The following LHX5 variants were observed in gnomAD, a reference collection of about 807,000 sequenced individuals.
LHX5 encodes LIM/homeobox protein Lhx5.
Under a neutral mutation model 30.6 loss-of-function variants are expected in LHX5, and 5 were observed. That is an observed-to-expected ratio of 0.16 (90% CI 0.09 to 0.34). The LOEUF (loss-of-function observed/expected upper bound fraction) is 0.34, where lower values mean the gene tolerates loss of function less well. LHX5 is among the 10% of genes least tolerant of loss of function. LHX5 has a pLI of 1.00. For missense variants in LHX5, 458 were observed against 570.6 expected (o/e 0.80, Z 2.01); for synonymous variants, 266 against 252.6 (o/e 1.05, Z -0.50).
In LHX5 at chr12:113,464,018, G is replaced by C. The variant is rs1462864250; in HGVS notation, c.842-461C>G. ...GACAGACGGAGAGATCGGCAGAGGG[G>C]CAGAGAGAAAGGCGGAAAAGAGACC... On this transcript the variant is annotated intron_variant, in intron 4 of 4. Coordinates refer to ENST00000261731, the MANE Select transcript of LHX5 (RefSeq NM_022363.3). The surrounding 1 kb of genome is among the most constrained non-coding windows in gnomAD (Gnocchi z 6.2). Among the ~76,000 whole-genome samples the C allele has an allele frequency of 3.3e-5, 5 of 152,188 alleles. No individual in the cohort carries two copies. The highest frequency in any genetic ancestry group is 1.2e-4 in the African/African-American group (5 of 41,442).
intron 1 of LHX5, among the ~76,000 whole-genome samples, chr12:113,470,706 G>A (rs1343005817): frequency 6.6e-6 from 1 of 152,252 alleles, no homozygotes; most frequent in African/African-American, 2.4e-5. Flanking sequence ...AGGGGTAGGG[G>A]GGCTGGGGAG....
intron 2 of LHX5, 150 bp from the exon 3 acceptor site, chr12:113,468,554 C>T (rs1001780092): frequency 1.9e-6 from 2 of 1,031,756 alleles, no homozygotes; most frequent in Admixed American, 2.9e-5. Context: ...TGCGACAGCC[C>T]CTCCCCCAGG....
At position 113,469,350 on chromosome 12, in the gene LHX5, G is replaced by A; in HGVS notation, c.174-5C>T. 6.2e-7 allele frequency: 1 copy of A among 1,610,242 alleles called. No homozygotes were observed. The highest frequency in any genetic ancestry group is 8.5e-7 in the Non-Finnish European group (1 of 1,179,364). The stretch of plus-strand genomic sequence containing the variant: ...GCGCATTTCGTGCCAAAGCGCCTGT[G>A]GACACAATGTGCCTGTCACTATGGG... On this transcript the variant is annotated splice_polypyrimidine_tract_variant and splice_region_variant and intron_variant, in intron 1 of 4. Transcript: ENST00000261731.
intron 1 of LHX5, among the ~76,000 whole-genome samples, chr12:113,471,042 G>A (rs1454148143): frequency 6.6e-6 from 1 of 152,222 alleles, no homozygotes; most frequent in Non-Finnish European, 1.5e-5. Context: ...GGGGCGGAGA[G>A]GAGTGGATAG....
rs909786353 is a variant in LHX5, at chr12:113,463,264, T to G, written c.1135A>C (p.Met379Leu). Residue 379 changes from methionine to leucine, a missense_variant, in exon 5 of 5, where the codon ATG becomes CTG. Transcript: ENST00000261731. The surrounding 1 kb of genome is among the most constrained non-coding windows in gnomAD (Gnocchi z 6.7). ...FSGGPSPPFP[M>L]SGTSGYSGPL... ...CCGCTGTAGCCGCTGGTGCCGCTCA[T>G]TGGGAAGGGCGGGCTGGGCCCGCCG... The G allele has an allele frequency of 1.6e-5, 24 of 1,526,270 alleles. No homozygotes were observed. In the Admixed American group the frequency reaches 4.7e-4, roughly 30 times the overall value. 94.5% of individuals were successfully genotyped at this position (1,526,270 alleles called of 1,614,324 possible). A position where few individuals can be genotyped will look rare whatever the true frequency, so the allele number is the denominator to read the frequency against.
In LHX5 at chr12:113,471,772, G is replaced by T; in HGVS notation, c.-274C>A. On this transcript the variant is annotated 5_prime_UTR_variant, in exon 1 of 5. Coordinates refer to ENST00000261731, the MANE Select transcript of LHX5 (RefSeq NM_022363.3). ...GTTCCGGGCTTCCCCAGGTATCTCG[G>T]GTGGCTGCTGGCCTCGGCGCTGCGG... 1 of 445,874 alleles carries T rather than the reference G, an allele frequency of 2.2e-6. No homozygotes were observed. 27.6% of individuals were successfully genotyped at this position (445,874 alleles called of 1,614,324 possible). A position where few individuals can be genotyped will look rare whatever the true frequency, so the allele number is the denominator to read the frequency against.
chr12:113,467,190 G>T lies in LHX5; in HGVS notation c.841+66C>A. 1.5e-6 allele frequency: 2 copies of T among 1,370,522 alleles called. No individual in the cohort carries two copies. Among genetic ancestry groups the T allele is most frequent in the South Asian group, 1.7e-5 (1 of 58,250 alleles). The allele number at this position is 1,370,522 out of a possible 1,614,324, so 84.9% of individuals were successfully genotyped here. The stretch of plus-strand genomic sequence containing the variant: ...GAGCGGCGGAAAGCGTGCTGGCCGG[G>T]ACCCTTCGCCCTCAGCTCCCGGAAT... On this transcript the variant is annotated intron_variant, in intron 4 of 4. Transcript: ENST00000261731. The surrounding 1 kb of genome is among the most constrained non-coding windows in gnomAD (Gnocchi z 6.3).
Position 113,469,156 on chromosome 12 carries a change from G to T in LHX5, c.363C>A (p.Ser121Arg). 6.2e-7 allele frequency: 1 copy of T among 1,614,082 alleles called. No individual in the cohort carries two copies. The highest frequency in any genetic ancestry group is 1.1e-5 in the South Asian group (1 of 91,070). Residue 121 changes from serine (S) to arginine (R), a missense_variant, in exon 2 of 5, where the codon AGC becomes AGA. Coordinates refer to ENST00000261731, the MANE Select transcript of LHX5 (RefSeq NM_022363.3). ...GGCTGCCCTCCTTGAGGCTGGATGA[G>T]CTCAGGTAGTCGTCTTTGCACACGA... ...NKFVCKDDYL[S>R]SSSLKEGSLN...
chr12:113,463,024 CT>C lies in LHX5; in HGVS notation c.*165del. 1.6e-6 allele frequency: 1 copy of C among 623,860 alleles called. No individual in the cohort carries two copies. Among genetic ancestry groups the C allele is most frequent in the South Asian group, 2.2e-5 (1 of 44,590 alleles). The allele number at this position is 623,860 out of a possible 1,614,324, so 38.6% of individuals were successfully genotyped here. A position where few individuals can be genotyped will look rare whatever the true frequency, so the allele number is the denominator to read the frequency against. ...GGGTGGAGATGGGGGTCGGCCCCCC[CT>C]CGGCGCCCAGCCGAGGAGCAGCTGC... On this transcript the variant is annotated 3_prime_UTR_variant, in exon 5 of 5. Coordinates refer to ENST00000261731, the MANE Select transcript of LHX5 (RefSeq NM_022363.3). This position sits in a 1 kb window ranked among gnomAD's most constrained non-coding sequence, Gnocchi z 6.7.
chr12:113,467,677 G>A lies in LHX5; in HGVS notation c.676-256C>T, dbSNP rs550065518. ...GCTTCCTGGTCCCCGGCTCGCCCGCGGCCTGACGGCTCTATAAAGGCCTCC... is the reference window on the plus strand; with the variant it reads ...GCTTCCTGGTCCCCGGCTCGCCCGCAGCCTGACGGCTCTATAAAGGCCTCC... On this transcript the variant is annotated intron_variant, in intron 3 of 4. Coordinates refer to ENST00000261731, the MANE Select transcript of LHX5 (RefSeq NM_022363.3). The surrounding 1 kb of genome is among the most constrained non-coding windows in gnomAD (Gnocchi z 6.3). Among the ~76,000 whole-genome samples the A allele has an allele frequency of 6.6e-6, 1 of 152,206 alleles. No homozygotes were observed. Among genetic ancestry groups the A allele is most frequent in the Admixed American group, 6.5e-5 (1 of 15,286 alleles).
intron 1 of LHX5, among the ~76,000 whole-genome samples, chr12:113,470,086 G>C (rs1187707585): frequency 2.0e-5 from 3 of 152,176 alleles, no homozygotes; most frequent in Non-Finnish European, 4.4e-5. Context: ...GCAAGGCCAG[G>C]ACAGGAATCT....
Position 113,463,144 on chromosome 12 carries a change from G to T in LHX5, c.*46C>A. 6.9e-7 allele frequency: 1 copy of T among 1,442,916 alleles called. No homozygotes were observed. Among genetic ancestry groups the T allele is most frequent in the South Asian group, 1.4e-5 (1 of 72,368 alleles). 89.4% of individuals were successfully genotyped at this position (1,442,916 alleles called of 1,614,324 possible). ...CGTTTTGGTTTCAGGAGGCTGCTTC[G>T]GGGCGGGGCCCCCGGGGGCCGAGCG... On this transcript the variant is annotated 3_prime_UTR_variant, in exon 5 of 5. Coordinates refer to ENST00000261731, the MANE Select transcript of LHX5 (RefSeq NM_022363.3). This position sits in a 1 kb window ranked among gnomAD's most constrained non-coding sequence, Gnocchi z 6.7.
chr12:113,463,024 C>T lies in LHX5; in HGVS notation c.*166G>A. On this transcript the variant is annotated 3_prime_UTR_variant, in exon 5 of 5. Coordinates refer to ENST00000261731, the MANE Select transcript of LHX5 (RefSeq NM_022363.3). The surrounding 1 kb of genome is among the most constrained non-coding windows in gnomAD (Gnocchi z 6.7). Reference sequence around the variant, plus strand: ...GGGTGGAGATGGGGGTCGGCCCCCCCTCGGCGCCCAGCCGAGGAGCAGCTG... The same window carrying T: ...GGGTGGAGATGGGGGTCGGCCCCCCTTCGGCGCCCAGCCGAGGAGCAGCTG... The T allele has an allele frequency of 1.6e-6, 1 of 623,860 alleles. No individual in the cohort carries two copies. Among genetic ancestry groups the T allele is most frequent in the South Asian group, 2.2e-5 (1 of 44,590 alleles). 38.6% of individuals were successfully genotyped at this position (623,860 alleles called of 1,614,324 possible). A position where few individuals can be genotyped will look rare whatever the true frequency, so the allele number is the denominator to read the frequency against.
chr12:113,463,200 G>A lies in LHX5; in HGVS notation c.1199C>T (p.Ala400Val). Reference sequence around the variant, plus strand: ...GGCGGCCCGGCGGCCTTACCACACGGCGGCTTCGTTGAGCTCGGGGTTGGG... The same window carrying A: ...GGCGGCCCGGCGGCCTTACCACACGACGGCTTCGTTGAGCTCGGGGTTGGG... ...SHPNPELNEAAVW is the reference protein window; with the variant it reads ...SHPNPELNEAVVW The change falls in exon 5 of 5, where the codon GCC (alanine) becomes GTC (valine). Residue 400 changes from alanine to valine, a missense_variant. By Grantham distance (64) the Ala-to-Val change is moderately conservative. Around this residue, in one of 3 missense-constraint regions of LHX5, gnomAD observed 255 missense variants for 246.8 expected, o/e 1.03. Transcript: ENST00000261731. The surrounding 1 kb of genome is among the most constrained non-coding windows in gnomAD (Gnocchi z 6.7). The A allele has an allele frequency of 6.6e-7, 1 of 1,517,204 alleles. No individual in the cohort carries two copies. The highest frequency in any genetic ancestry group is 8.8e-7 in the Non-Finnish European group (1 of 1,138,940). The allele number at this position is 1,517,204 out of a possible 1,614,324, so 94.0% of individuals were successfully genotyped here. A position where few individuals can be genotyped will look rare whatever the true frequency, so the allele number is the denominator to read the frequency against.
chr12:113,470,841 T>C (rs1274118639), intron 1 of LHX5, among the ~76,000 whole-genome samples: 1 of 152,224 alleles, frequency 6.6e-6, no homozygotes, highest in Non-Finnish European at 1.5e-5. Flanking sequence ...TCTCCTCCCA[T>C]CACCAGGGGA....
Position 113,467,825 on chromosome 12 carries a change from G to A in LHX5, c.675+302C>T, listed in dbSNP as rs900942721. On this transcript the variant is annotated intron_variant, in intron 3 of 4. Coordinates refer to ENST00000261731, the MANE Select transcript of LHX5 (RefSeq NM_022363.3). This position sits in a 1 kb window ranked among gnomAD's most constrained non-coding sequence, Gnocchi z 6.3. Reference sequence around the variant, plus strand: ...CTGTTTCTCTGCTCGAAAGGTGGAGGTAAAGAGGGATCCCGGACCCCAGAG... The same window carrying A: ...CTGTTTCTCTGCTCGAAAGGTGGAGATAAAGAGGGATCCCGGACCCCAGAG... Among the ~76,000 whole-genome samples, 1 of 152,252 alleles carries A rather than the reference G, an allele frequency of 6.6e-6. No individual in the cohort carries two copies. Among genetic ancestry groups the A allele is most frequent in the African/African-American group, 2.4e-5 (1 of 41,466 alleles).
chr12:113,471,596 A>G lies in LHX5; in HGVS notation c.-98T>C, dbSNP rs1958252514. The G allele has an allele frequency of 5.1e-6, 6 of 1,181,442 alleles. No homozygotes were observed. In the South Asian group the frequency reaches 9.1e-5, roughly 18 times the overall value. 73.2% of individuals were successfully genotyped at this position (1,181,442 alleles called of 1,614,324 possible). On this transcript the variant is annotated 5_prime_UTR_variant, in exon 1 of 5. Coordinates refer to ENST00000261731, the MANE Select transcript of LHX5 (RefSeq NM_022363.3). The stretch of plus-strand genomic sequence containing the variant: ...TCCGCTGCCCTTCGCCTCTTGTCTC[A>G]GCAGCTGCAGGGCGAGTCTGGTCCG...
rs542481000 is a variant in LHX5, at chr12:113,471,791, G to C, written c.-293C>G. On this transcript the variant is annotated 5_prime_UTR_variant, in exon 1 of 5. Coordinates refer to ENST00000261731, the MANE Select transcript of LHX5 (RefSeq NM_022363.3). ...ATCTCGGGTGGCTGCTGGCCTCGGC[G>C]CTGCGGAGCGGCTTTCCCCGGTGGC... 1.8e-5 allele frequency: 7 copies of C among 399,924 alleles called. No homozygotes were observed. Among genetic ancestry groups the C allele is most frequent in the Non-Finnish European group, 4.4e-6 (1 of 225,600 alleles). 24.8% of individuals were successfully genotyped at this position (399,924 alleles called of 1,614,324 possible).
Position 113,471,689 on chromosome 12 carries a change from T to G in LHX5, c.-191A>C. On this transcript the variant is annotated 5_prime_UTR_variant, in exon 1 of 5. Coordinates refer to ENST00000261731, the MANE Select transcript of LHX5 (RefSeq NM_022363.3). ...TGGCGCTGGGCTGCCCGGAGTGGGG[T>G]GGTGGGGGGCGGGTGGCGTTCACAA... 6 of 530,054 alleles carry G rather than the reference T, an allele frequency of 1.1e-5. No homozygotes were observed. The highest frequency in any genetic ancestry group is 3.7e-5 in the Admixed American group (1 of 27,194). The allele number at this position is 530,054 out of a possible 1,614,324, so 32.8% of individuals were successfully genotyped here.
Sources: allele counts gnomAD v4.1 joint callset (sites outside exome capture counted in the v4.1 genomes callset), GRCh38; gene constraint gnomAD v4.1.1; regional missense constraint gnomAD v4.1.1; non-coding constraint Gnocchi (gnomAD v3.1); transcripts MANE v1.5; gene names NCBI Gene and HGNC (gene_info 2026-07-23, HGNC 2026-07-21).